Variants in STRBP observed in about 807,000 individuals in gnomAD.
STRBP encodes spermatid perinuclear RNA binding protein.
In STRBP, 13 loss-of-function variants were observed where a neutral mutation model predicts 80.1. The observed-to-expected ratio is 0.16, with a 90% CI of 0.11 to 0.26. STRBP has a LOEUF of 0.26. Among genes scored for constraint, STRBP ranks in the 10% least tolerant of loss-of-function variants. STRBP has a pLI of 1.00. For missense variants in STRBP, 485 were observed against 815.2 expected, an observed-to-expected ratio of 0.59 and a Z score of 4.93; for synonymous variants, 284 against 291.2, an observed-to-expected ratio of 0.98 and a Z score of 0.25.
Position 123,122,546 on chromosome 9 carries a change from AAACTC to A in STRBP, c.*3046_*3050del, listed in dbSNP as rs752224590. ...ACTACAAACGACTTCAGAACTATAT[AAACTC>A]AACTCCTTACTTCACCACCCATGCA... is the stretch of plus-strand genomic sequence containing the variant. On this transcript the variant is annotated 3_prime_UTR_variant, in exon 19 of 19. Coordinates refer to ENST00000348403, the MANE Select transcript of STRBP (RefSeq NM_018387.5). The A allele has an allele frequency of 3.5e-6, 4 of 1,147,466 alleles. No homozygotes were observed. Among genetic ancestry groups the A allele is most frequent in the Non-Finnish European group, 3.2e-6 (3 of 924,020 alleles). 71.1% of individuals were successfully genotyped at this position (1,147,466 alleles called of 1,614,324 possible). A position where few individuals can be genotyped will look rare whatever the true frequency, so the allele number is the denominator to read the frequency against.
At chr9:123,186,424 A>G (rs2038700319) in intron 2 of STRBP, among the ~76,000 whole-genome samples, 1 of 152,184 alleles carries the variant, frequency 6.6e-6, no homozygotes, top group Admixed American at 6.5e-5. Flanking sequence ...TGGAAAAATC[A>G]TGGATCACCA....
At chr9:123,162,930 C>G (rs1418943983) in intron 6 of STRBP, among the ~76,000 whole-genome samples, 1 of 152,184 alleles carries the variant, frequency 6.6e-6, no homozygotes, top group Admixed American at 6.5e-5. Flanking sequence ...ATACAAGCAT[C>G]TGTGTAAAGC....
Position 123,139,592 on chromosome 9 carries a change from T to C in STRBP, c.1434A>G (p.Thr478=). The C allele has an allele frequency of 1.2e-6, 2 of 1,613,240 alleles. No homozygotes were observed. Among genetic ancestry groups the C allele is most frequent in the Non-Finnish European group, 1.7e-6 (2 of 1,179,824 alleles). ...TATTATTGCTTGAGTTTGAAGACAC[T>C]GTTTCATTTTTACTTTCATTATCTG... The part of the protein sequence containing the change: ...EKSDNESKNE[T]VSSNSSNNTG... Residue 478 remains threonine, a synonymous_variant, in exon 14 of 19, where the codon ACA becomes ACG. Transcript: ENST00000348403.
Position 123,172,075 on chromosome 9 carries a change from G to C in STRBP, c.390+1602C>G, listed in dbSNP as rs1375920126. ...AATCTTCTCTGTCTTCAAAACAGGA[G>C]AGATGTGATAGATTTTCTGAATAAA... On this transcript the variant is annotated intron_variant, in intron 5 of 18. Transcript: ENST00000348403. 2.0e-5 allele frequency among the ~76,000 whole-genome samples: 3 copies of C among 152,184 alleles called. No individual in the cohort carries two copies. The East Asian group carries it at 5.8e-4, about 29-fold the overall frequency.
chr9:123,175,353 T>A (rs187714633), intron 4 of STRBP, among the ~76,000 whole-genome samples: 1 of 152,168 alleles, frequency 6.6e-6, no homozygotes, highest in Non-Finnish European at 1.5e-5. Flanking sequence ...ATTCTAGCTA[T>A]AAGCAAAGAA....
chr9:123,197,890 T>A (rs535979212), intron 2 of STRBP, among the ~76,000 whole-genome samples: 1 of 152,088 alleles, frequency 6.6e-6, no homozygotes, highest in South Asian at 2.1e-4. Context: ...GGGTGGCTTG[T>A]CTCAAACTCC....
At chr9:123,242,088 T>C (rs190386709) in intron 1 of STRBP, among the ~76,000 whole-genome samples, 79 of 152,358 alleles carry the variant, frequency 5.2e-4, no homozygotes, top group African/African-American at 7.9e-4. Flanking sequence ...AGGCTGGCTC[T>C]TTCTTGACAT....
At chr9:123,202,181 G>C (rs951315102) in intron 2 of STRBP, among the ~76,000 whole-genome samples, 1 of 152,172 alleles carries the variant, frequency 6.6e-6, no homozygotes, top group Non-Finnish European at 1.5e-5. Flanking sequence ...CTGCCATTCT[G>C]TATGTTAGGT....
intron 1 of STRBP, among the ~76,000 whole-genome samples, chr9:123,248,234 A>G (rs565407340): frequency 4.7e-4 from 71 of 150,978 alleles, no homozygotes; most frequent in Middle Eastern, 3.4e-3. Context: ...TCAAATAGCA[A>G]TAACAGACTT....
intron 2 of STRBP, among the ~76,000 whole-genome samples, chr9:123,207,102 A>C (rs2132523724): frequency 6.6e-6 from 1 of 152,344 alleles, no homozygotes; most frequent in Middle Eastern, 3.4e-3. Flanking sequence ...AGAATAAAAA[A>C]AACAGCTCGA....
chr9:123,231,105 C>G (rs2040386323), intron 2 of STRBP, among the ~76,000 whole-genome samples: 1 of 152,122 alleles, frequency 6.6e-6, no homozygotes, highest in Non-Finnish European at 1.5e-5. Flanking sequence ...CCTCACACCC[C>G]TAGAGGTCAA....
At chr9:123,151,137 T>C (rs927895162) in intron 11 of STRBP, among the ~76,000 whole-genome samples, 1 of 152,126 alleles carries the variant, frequency 6.6e-6, no homozygotes, top group Non-Finnish European at 1.5e-5. Context: ...TGGACCCAGA[T>C]GATGGACCTT....
chr9:123,109,503 CAGA>C (rs1349914125), downstream of STRBP: 2 of 152,208 alleles, frequency 1.3e-5, no homozygotes, highest in African/African-American at 2.4e-5. Flanking sequence ...CTGTGTGTGA[CAGA>C]AGCATTTGTT....
At chr9:123,215,781 T>A (rs981807216) in intron 2 of STRBP, among the ~76,000 whole-genome samples, 1 of 152,110 alleles carries the variant, frequency 6.6e-6, no homozygotes, top group Non-Finnish European at 1.5e-5. Flanking sequence ...CGAAACTCCA[T>A]CTCAAAAAAA....
In STRBP at chr9:123,121,960, CA is replaced by C. The variant is rs2035747748; in HGVS notation, c.*3636del. 6.0e-6 allele frequency: 1 copy of C among 165,588 alleles called. No individual in the cohort carries two copies. The highest frequency in any genetic ancestry group is 6.1e-5 in the Admixed American group (1 of 16,286). 10.3% of individuals were successfully genotyped at this position (165,588 alleles called of 1,614,324 possible). ...TATCCTAAGTTTCTACACACACACACACACACACACACACTTAGTGTAAGTG... is the reference window on the plus strand; with the variant it reads ...TATCCTAAGTTTCTACACACACACACCACACACACACACTTAGTGTAAGTG... On this transcript the variant is annotated 3_prime_UTR_variant, in exon 19 of 19. Coordinates refer to ENST00000348403, the MANE Select transcript of STRBP (RefSeq NM_018387.5).
intron 17 of STRBP, 109 bp from the exon 18 acceptor site, chr9:123,128,367 C>CAACATCTGGA: frequency 3.2e-6 from 4 of 1,232,356 alleles, no homozygotes; most frequent in Non-Finnish European, 4.7e-6. Context: ...GGACTTCTTC[C>CAACATCTGGA]AGATGTTGGA....
At chr9:123,168,154 T>C (rs932953124) in intron 6 of STRBP, 7 of 904,278 alleles carry the variant, frequency 7.7e-6, no homozygotes, top group East Asian at 1.2e-4. Flanking sequence ...AAATGGTTGG[T>C]TTTATACTAG....
intron 11 of STRBP, among the ~76,000 whole-genome samples, chr9:123,153,136 G>C (rs574013852): frequency 6.6e-6 from 1 of 151,932 alleles, no homozygotes; most frequent in African/African-American, 2.4e-5. Context: ...CCAGGTGAGA[G>C]ATGATGGCAG....
chr9:123,170,424 C>T (rs1313922034), intron 5 of STRBP, among the ~76,000 whole-genome samples: 5 of 152,190 alleles, frequency 3.3e-5, no homozygotes, highest in Non-Finnish European at 5.9e-5. Flanking sequence ...TGGGACTGCT[C>T]TCCAAAACAA....
Sources: gnomAD v4.1 joint callset for allele counts (sites outside exome capture counted in the v4.1 genomes callset) on GRCh38, gnomAD v4.1.1 for gene constraint, MANE v1.5 for transcripts, NCBI Gene and HGNC (gene_info 2026-07-23, HGNC 2026-07-21) for gene names.